Variants in CCDC7 observed in about 807,000 individuals in gnomAD.
CCDC7 encodes coiled-coil domain containing 7, also known as coiled-coil domain-containing protein 7.
Under a neutral mutation model 196.9 loss-of-function variants are expected in CCDC7, and 183 were observed. The ratio of observed to expected loss-of-function variants is 0.93; its 90% CI spans 0.82 to 1.05. The LOEUF is 1.05. CCDC7 is among the 50% of genes least tolerant of loss of function. CCDC7 has a pLI of 0.00. For missense variants in CCDC7, 1,540 were observed against 1,482.2 expected (o/e 1.04, Z -0.64); for synonymous variants, 525 against 484.6 (o/e 1.08, Z -1.10).
At chr10:32,468,381 T>C (rs1412712938) in intron 5 of CCDC7, among the ~76,000 whole-genome samples, 1 of 152,164 alleles carries the variant, frequency 6.6e-6, no homozygotes, top group Non-Finnish European at 1.5e-5. Flanking sequence ...GGCTCTTGGC[T>C]CGACTGTTGT....
chr10:32,534,603 C>T (rs995160508), intron 11 of CCDC7, among the ~76,000 whole-genome samples: 2 of 151,822 alleles, frequency 1.3e-5, no homozygotes, highest in African/African-American at 2.4e-5. Context: ...CTTGGTGGCT[C>T]CTTAAATCCT....
chr10:32,461,694 T>C (rs1204821249), intron 3 of CCDC7, among the ~76,000 whole-genome samples: 7 of 15,710 alleles, frequency 4.5e-4, no homozygotes, highest in African/African-American at 1.4e-3. Context: ...TACATATATG[T>C]GTGTGTGTGT....
At chr10:32,533,246 A>AACACACACACACACAC (rs58119017) in intron 11 of CCDC7, among the ~76,000 whole-genome samples, 7,378 of 144,476 alleles carry the variant, frequency 0.051, 273 homozygotes, top group Admixed American at 0.11. Context: ...AAACAAAGGA[A>AACACACACACACACAC]ACACACACAC....
At chr10:32,601,820 T>G (rs2061049200) in intron 18 of CCDC7, among the ~76,000 whole-genome samples, 1 of 152,024 alleles carries the variant, frequency 6.6e-6, no homozygotes, top group Admixed American at 6.5e-5. Context: ...AACACACCAA[T>G]CAGCGCTCTG....
At chr10:32,825,170 C>T (rs1033634116) in intron 32 of CCDC7, among the ~76,000 whole-genome samples, 3 of 152,182 alleles carry the variant, frequency 2.0e-5, no homozygotes, top group African/African-American at 7.2e-5. Flanking sequence ...GGGGAAGAAA[C>T]AGATAAAGAG....
intron 13 of CCDC7, among the ~76,000 whole-genome samples, chr10:32,551,914 A>G (rs60694293): frequency 0.13 from 20,419 of 152,090 alleles, 1,619 homozygotes; most frequent in African/African-American, 0.23. Context: ...TGTTAAGTCC[A>G]TTTGTTCTAA....
intron 8 of CCDC7, among the ~76,000 whole-genome samples, chr10:32,477,672 G>C (rs560292481): frequency 6.6e-6 from 1 of 152,096 alleles, no homozygotes; most frequent in South Asian, 2.1e-4. Context: ...ATATTTGTGA[G>C]TCTGTTTTTG....
intron 29 of CCDC7, among the ~76,000 whole-genome samples, chr10:32,789,041 T>C (rs2082284550): frequency 6.6e-6 from 1 of 150,868 alleles, no homozygotes; most frequent in African/African-American, 2.4e-5. Context: ...AGACTACTCA[T>C]GAACTAAGCC....
At chr10:32,511,595 G>A (rs1221922906) in intron 9 of CCDC7, 4 of 1,602,104 alleles carry the variant, frequency 2.5e-6, no homozygotes, top group Admixed American at 1.7e-5. Flanking sequence ...TTGTTCAAGT[G>A]GATCCAACTT....
chr10:32,716,463 AGTGACATT>A (rs2142015959), intron 25 of CCDC7, among the ~76,000 whole-genome samples: 1 of 152,380 alleles, frequency 6.6e-6, no homozygotes, highest in Non-Finnish European at 1.5e-5. Context: ...TATGAAGACC[AGTGACATT>A]GTGAAGAAAC....
chr10:32,506,752 C>G (rs964602852), intron 9 of CCDC7, among the ~76,000 whole-genome samples: 2 of 152,072 alleles, frequency 1.3e-5, no homozygotes, highest in Admixed American at 6.5e-5. Flanking sequence ...CTCGGCGGGC[C>G]AAGGCAGGAG....
intron 33 of CCDC7, among the ~76,000 whole-genome samples, chr10:32,835,510 G>T (rs529099824): frequency 6.6e-6 from 1 of 152,126 alleles, no homozygotes; most frequent in East Asian, 1.9e-4. Context: ...ACATAAAAAA[G>T]AAACAAGATC....
intron 28 of CCDC7, among the ~76,000 whole-genome samples, chr10:32,734,374 A>C (rs1262448301): frequency 1.3e-5 from 2 of 152,154 alleles, no homozygotes; most frequent in Non-Finnish European, 2.9e-5. Flanking sequence ...TCTCACTTAT[A>C]AGTAGGAGTT....
At chr10:32,607,081 A>G (rs1181615721) in intron 18 of CCDC7, among the ~76,000 whole-genome samples, 1 of 152,086 alleles carries the variant, frequency 6.6e-6, no homozygotes, top group African/African-American at 2.4e-5. Context: ...CACAATAGTG[A>G]CTTCTCATGA....
chr10:32,571,199 G>A (rs1446738743), intron 15 of CCDC7, among the ~76,000 whole-genome samples: 1 of 151,894 alleles, frequency 6.6e-6, no homozygotes, highest in Non-Finnish European at 1.5e-5. Flanking sequence ...AGTAGAGAGG[G>A]GGTTTCACCA....
At chr10:32,516,537 C>T (rs751838911) in intron 9 of CCDC7, among the ~76,000 whole-genome samples, 36 of 152,288 alleles carry the variant, frequency 2.4e-4, no homozygotes, top group Non-Finnish European at 4.3e-4. Context: ...ATCTTCCTGC[C>T]TCGGTCTCCC....
intron 20 of CCDC7, among the ~76,000 whole-genome samples, chr10:32,643,071 T>A (rs1159968989): frequency 6.6e-6 from 1 of 152,228 alleles, no homozygotes; most frequent in Non-Finnish European, 1.5e-5. Context: ...TTTGATTTCC[T>A]TTAATTTTTT....
intron 33 of CCDC7, among the ~76,000 whole-genome samples, chr10:32,838,481 G>A (rs945235272): frequency 5.3e-5 from 8 of 152,030 alleles, no homozygotes; most frequent in African/African-American, 1.9e-4. Context: ...AGAAGTTTGG[G>A]ACTATGTTAA....
intron 25 of CCDC7, chr10:32,725,506 T>G (rs1366833774): frequency 2.4e-6 from 1 of 419,474 alleles, no homozygotes; most frequent in African/African-American, 2.1e-5. Flanking sequence ...TTAATTTTAT[T>G]TTTAGAATAT....
Sources: allele counts gnomAD v4.1 joint callset (sites outside exome capture counted in the v4.1 genomes callset), GRCh38; gene constraint gnomAD v4.1.1; transcripts MANE v1.5; gene names NCBI Gene and HGNC (gene_info 2026-07-23, HGNC 2026-07-21).